SMYD3: variants seen among roughly 807,000 people sequenced by gnomAD.
SMYD3 encodes the protein histone-lysine N-methyltransferase SMYD3.
SMYD3 carries 36 observed loss-of-function variants against 57.7 expected under a neutral mutation model. The observed-to-expected ratio is 0.62, with a 90% confidence interval of 0.48 to 0.82. The LOEUF is 0.82. SMYD3 is among the 40% of genes least tolerant of loss of function. The pLI is 0.00. For missense variants in SMYD3, 515 were observed against 538.8 expected (o/e 0.96, Z 0.44); for synonymous variants, 211 against 195.0 (o/e 1.08, Z -0.68).
At position 246,313,143 on chromosome 1, in the gene SMYD3, C is replaced by T. The variant is rs529665698; in HGVS notation, c.531+14058G>A. On this transcript the variant is annotated intron_variant, in intron 5 of 11. Coordinates refer to ENST00000490107, the MANE Select transcript of SMYD3 (RefSeq NM_001167740.2). ...CTGGTCTCCAACTCCTGAGCTCAAG[C>T]GATCTGCCCACCTCGGCCTCCCAAA... Among the ~76,000 whole-genome samples, 4 of 152,032 alleles carry T rather than the reference C, an allele frequency of 2.6e-5. No individual in the cohort carries two copies. In the East Asian group the frequency reaches 7.7e-4, roughly 29 times the overall value.
chr1:246,114,132 CAG>C (rs35631096), intron 5 of SMYD3, among the ~76,000 whole-genome samples: 23,593 of 152,066 alleles, frequency 0.16, 3,388 homozygotes, highest in African/African-American at 0.38. Context: ...TGGGCTCTGA[CAG>C]GGGACAGTTT....
chr1:246,200,088 A>C (rs74789441), intron 5 of SMYD3, among the ~76,000 whole-genome samples: 1 of 5,196 alleles, frequency 1.9e-4, no homozygotes, highest in Admixed American at 2.1e-3. Context: ...GGAGAACAGC[A>C]TAGACGCTGA....
At chr1:246,424,740 G>A (rs78059362) in intron 1 of SMYD3, among the ~76,000 whole-genome samples, 4,405 of 152,132 alleles carry the variant, frequency 0.029, 105 homozygotes, top group Non-Finnish European at 0.043. Context: ...ACTAGACATC[G>A]CCAAATAAAA....
At chr1:245,985,703 A>G (rs975605080) in intron 5 of SMYD3, among the ~76,000 whole-genome samples, 4 of 152,160 alleles carry the variant, frequency 2.6e-5, no homozygotes, top group African/African-American at 9.7e-5. Flanking sequence ...TTAAGCTCCA[A>G]TAACACCAAA....
chr1:246,416,397 C>G (rs1487500544), intron 1 of SMYD3, among the ~76,000 whole-genome samples: 1 of 151,964 alleles, frequency 6.6e-6, no homozygotes, highest in Non-Finnish European at 1.5e-5. Context: ...GCTTAGTATT[C>G]AAATCTGCAT....
intron 1 of SMYD3, among the ~76,000 whole-genome samples, chr1:246,394,102 C>T (rs534385242): frequency 3.5e-4 from 54 of 152,154 alleles, no homozygotes; most frequent in Non-Finnish European, 6.3e-4. Context: ...ATCCTTATGT[C>T]CTTCAAGAAA....
intron 1 of SMYD3, among the ~76,000 whole-genome samples, chr1:246,396,697 T>C (rs1342372708): frequency 1.3e-5 from 2 of 152,204 alleles, no homozygotes; most frequent in Non-Finnish European, 2.9e-5. Context: ...CATTCCCCCT[T>C]GCTGTTCTTG....
intron 5 of SMYD3, among the ~76,000 whole-genome samples, chr1:246,007,780 G>A (rs1572882673): frequency 6.6e-6 from 1 of 151,108 alleles, no homozygotes; most frequent in African/African-American, 2.4e-5. Flanking sequence ...TCACACCACT[G>A]CACTCCAGCC....
intron 5 of SMYD3, among the ~76,000 whole-genome samples, chr1:246,101,719 A>G (rs192434285): frequency 6.6e-6 from 1 of 152,328 alleles, no homozygotes; most frequent in African/African-American, 2.4e-5. Flanking sequence ...TATTCAACAC[A>G]ACAGTTCAAG....
chr1:245,950,669 A>G (rs1401674703), intron 5 of SMYD3, among the ~76,000 whole-genome samples: 1 of 152,156 alleles, frequency 6.6e-6, no homozygotes, highest in Non-Finnish European at 1.5e-5. Context: ...AAAATCCAAA[A>G]TATGCCTCCG....
intron 1 of SMYD3, among the ~76,000 whole-genome samples, chr1:246,381,676 G>A (rs1160437448): frequency 2.0e-5 from 3 of 152,192 alleles, no homozygotes; most frequent in Non-Finnish European, 4.4e-5. Context: ...TTTATACAGT[G>A]AATAAATGTT....
chr1:246,086,973 C>T (rs927432353), intron 5 of SMYD3, among the ~76,000 whole-genome samples: 6 of 152,094 alleles, frequency 3.9e-5, no homozygotes, highest in South Asian at 2.1e-4. Context: ...TGAGAACATG[C>T]GGTGTTTGGT....
intron 1 of SMYD3, among the ~76,000 whole-genome samples, chr1:246,399,347 A>G (rs894600640): frequency 6.8e-6 from 1 of 147,696 alleles, no homozygotes; most frequent in Non-Finnish European, 1.5e-5. Flanking sequence ...TTATTTATTT[A>G]TTTTTGAGGC....
At chr1:246,209,861 T>C (rs1383786965) in intron 5 of SMYD3, among the ~76,000 whole-genome samples, 3 of 152,132 alleles carry the variant, frequency 2.0e-5, no homozygotes, top group Admixed American at 2.0e-4. Context: ...AAGTCCAAGA[T>C]GGAAACACAG....
intron 5 of SMYD3, chr1:246,193,638 A>G (rs1424479186): frequency 6.6e-6 from 1 of 152,322 alleles, no homozygotes; most frequent in Non-Finnish European, 1.5e-5. Context: ...GCTGCTAGTC[A>G]TAATCAGCAG....
chr1:246,173,114 C>A (rs1178997756), intron 5 of SMYD3, among the ~76,000 whole-genome samples: 2 of 151,610 alleles, frequency 1.3e-5, no homozygotes, highest in East Asian at 3.9e-4. Context: ...CAACACTACA[C>A]ACTTAGGCTA....
intron 5 of SMYD3, among the ~76,000 whole-genome samples, chr1:246,275,487 G>T (rs1294548827): frequency 9.8e-6 from 1 of 101,726 alleles, no homozygotes; most frequent in Non-Finnish European, 2.2e-5. Context: ...GTTATTTAAT[G>T]TCTCTAGTGG....
chr1:245,834,873 G>A (rs997706422), intron 10 of SMYD3, among the ~76,000 whole-genome samples: 4 of 152,126 alleles, frequency 2.6e-5, no homozygotes, highest in Non-Finnish European at 4.4e-5. Flanking sequence ...ATACATAAGC[G>A]CATAGGGCCA....
rs1470310197 is a variant in SMYD3 at position 246,002,236 on chromosome 1, G to A, written c.532-72299C>T. Among the ~76,000 whole-genome samples the A allele has an allele frequency of 6.1e-5, 9 of 148,304 alleles. No homozygotes were observed. The South Asian group carries it at 6.7e-4, about 11-fold the overall frequency. On this transcript the variant is annotated intron_variant, in intron 5 of 11. Coordinates refer to ENST00000490107, the MANE Select transcript of SMYD3 (RefSeq NM_001167740.2). ...GTCTCGCTCCGTCACCCAGGCTGGA[G>A]TGCTGTGGCGCGATCTCGGCTCACT...
Sources: gnomAD v4.1 joint callset for allele counts (sites outside exome capture counted in the v4.1 genomes callset) on GRCh38, gnomAD v4.1.1 for gene constraint, MANE v1.5 for transcripts, NCBI Gene and HGNC (gene_info 2026-07-23, HGNC 2026-07-21) for gene names.